The following VAV1 variants were observed in gnomAD, a reference collection of about 807,000 sequenced individuals.
The protein encoded by VAV1 is vav guanine nucleotide exchange factor 1.
VAV1 carries 33 observed loss-of-function variants against 128.1 expected under a neutral mutation model. The ratio of observed to expected loss-of-function variants is 0.26; its 90% CI spans 0.20 to 0.34. The LOEUF (loss-of-function observed/expected upper bound fraction) is 0.34, where lower values mean the gene tolerates loss of function less well. Ranked by LOEUF, VAV1 falls within the 10% of genes least tolerant of loss-of-function variation. VAV1 has a pLI of 1.00. For synonymous variants in VAV1, 394 were observed against 409.8 expected (o/e 0.96, Z 0.47); for missense variants, 715 against 1,093.7 (o/e 0.65, Z 4.88).
chr19:6,776,106 A>T (rs1938829338), intron 1 of VAV1, among the ~76,000 whole-genome samples: 1 of 147,090 alleles, frequency 6.8e-6, no homozygotes, highest in African/African-American at 2.7e-5. Flanking sequence ...CCATCCATCC[A>T]TCCATCCATC....
chr19:6,851,713 A>T (rs1357631043), intron 24 of VAV1, among the ~76,000 whole-genome samples: 1 of 152,072 alleles, frequency 6.6e-6, no homozygotes, highest in Non-Finnish European at 1.5e-5. Context: ...CATATTTTAG[A>T]CACTTTAGGC....
chr19:6,797,705 T>C (rs1016098992), intron 1 of VAV1, among the ~76,000 whole-genome samples: 20 of 142,778 alleles, frequency 1.4e-4, no homozygotes, highest in African/African-American at 5.0e-4. Context: ...GATCGCGCCA[T>C]TGCACTCCAG....
chr19:6,813,763 G>C (rs1252098414), intron 1 of VAV1, among the ~76,000 whole-genome samples: 2 of 152,090 alleles, frequency 1.3e-5, no homozygotes, highest in Non-Finnish European at 2.9e-5. Flanking sequence ...TTTAAAACTT[G>C]AGTCTTGGGG....
At chr19:6,789,260 C>CTTTTTTTTT (rs771682522) in intron 1 of VAV1, among the ~76,000 whole-genome samples, 2 of 144,936 alleles carry the variant, frequency 1.4e-5, no homozygotes, top group African/African-American at 5.1e-5. Context: ...CTCCTTTCTT[C>CTTTTTTTTT]TTTTTTTTTT....
chr19:6,832,533 C>G (rs1181728145), intron 15 of VAV1, among the ~76,000 whole-genome samples: 3 of 144,950 alleles, frequency 2.1e-5, no homozygotes, highest in African/African-American at 7.6e-5. Context: ...CCTCCTCCTC[C>G]CCTTCCTCTT....
intron 1 of VAV1, among the ~76,000 whole-genome samples, chr19:6,776,409 C>CATCT (rs1249942617): frequency 5.3e-5 from 2 of 37,814 alleles, no homozygotes; most frequent in African/African-American, 3.1e-4. Context: ...CCCATCTATC[C>CATCT]ATCCATCCAT....
At chr19:6,800,322 T>TC (rs995952171) in intron 1 of VAV1, among the ~76,000 whole-genome samples, 7 of 151,598 alleles carry the variant, frequency 4.6e-5, no homozygotes, top group Non-Finnish European at 8.8e-5. Flanking sequence ...CTCATTTTTT[T>TC]TTTTTGAGAT....
rs1010149707 is a variant in VAV1 at position 6,780,160 on chromosome 19, C to A, written c.204+7149C>A. Among the ~76,000 whole-genome samples the A allele has an allele frequency of 1.6e-5, 2 of 127,674 alleles. 1 individual carries two copies. The highest frequency in any genetic ancestry group is 5.2e-4 in the South Asian group (2 of 3,832). 83.8% of individuals were successfully genotyped at this position (127,674 alleles called of 152,430 possible). A position where few individuals can be genotyped will look rare whatever the true frequency, so the allele number is the denominator to read the frequency against. On this transcript the variant is annotated intron_variant, in intron 1 of 26. Transcript: ENST00000602142. ...ATAATAATAATAATAATAATAATAACCTCATCCATGAATCATTTTCCAGCT... is the reference window on the plus strand; with the variant it reads ...ATAATAATAATAATAATAATAATAAACTCATCCATGAATCATTTTCCAGCT...
chr19:6,798,191 C>T (rs1207508582), intron 1 of VAV1, among the ~76,000 whole-genome samples: 1 of 151,912 alleles, frequency 6.6e-6, no homozygotes, highest in African/African-American at 2.4e-5. Flanking sequence ...GCAGGAGAAT[C>T]GCTTGAACCT....
chr19:6,779,123 C>T lies in VAV1; in HGVS notation c.204+6112C>T, dbSNP rs1165418260. Among the ~76,000 whole-genome samples the T allele has an allele frequency of 6.0e-5, 9 of 150,110 alleles. No individual in the cohort carries two copies. The East Asian group carries it at 1.7e-3, about 29-fold the overall frequency. On this transcript the variant is annotated intron_variant, in intron 1 of 26. Coordinates refer to ENST00000602142, the MANE Select transcript of VAV1 (RefSeq NM_005428.4). ...CTGGAGTATAGTGGTATGATCACAG[C>T]TCACTGCAGCCTCGAACTCCTGTGC...
At chr19:6,836,908 G>T in intron 20 of VAV1, 77 bp from the exon 21 acceptor site, 2 of 1,443,048 alleles carry the variant, frequency 1.4e-6, no homozygotes, top group Non-Finnish European at 2.0e-6. Flanking sequence ...CACGTGTAGG[G>T]TTATGGGTTT....
intron 21 of VAV1, among the ~76,000 whole-genome samples, chr19:6,839,795 G>T (rs1435741304): frequency 6.6e-6 from 1 of 151,978 alleles, no homozygotes; most frequent in Non-Finnish European, 1.5e-5. Flanking sequence ...GGCTCAGGTG[G>T]TCCTCACACT....
Position 6,796,403 on chromosome 19 carries a change from C to T in VAV1, c.204+23392C>T, listed in dbSNP as rs147940209. ...TTACATGGCCACGGTTTGGGCATAT[C>T]GGCACCTGAGACCACCCTTGGTTCA... On this transcript the variant is annotated intron_variant, in intron 1 of 26. Transcript: ENST00000602142. Among the ~76,000 whole-genome samples, 13 of 151,558 alleles carry T rather than the reference C, an allele frequency of 8.6e-5. No homozygotes were observed. In the East Asian group the frequency reaches 1.2e-3, roughly 14 times the overall value.
At chr19:6,853,576 TA>T (rs1972718782) in intron 25 of VAV1, among the ~76,000 whole-genome samples, 1 of 149,354 alleles carries the variant, frequency 6.7e-6, no homozygotes, top group African/African-American at 2.5e-5. Context: ...AAAAAAAACA[TA>T]AAAATCAGCC....
chr19:6,780,170 G>T (rs1447155350), intron 1 of VAV1, among the ~76,000 whole-genome samples: 3 of 148,004 alleles, frequency 2.0e-5, no homozygotes, highest in African/African-American at 4.9e-5. Context: ...CCTCATCCAT[G>T]AATCATTTTC....
At chr19:6,784,579 C>T (rs147803914) in intron 1 of VAV1, among the ~76,000 whole-genome samples, 3,934 of 151,642 alleles carry the variant, frequency 0.026, 173 homozygotes, top group African/African-American at 0.091. Flanking sequence ...CGGCAGCCTC[C>T]GCCTCCCGGG....
chr19:6,798,084 C>T (rs1406096730), intron 1 of VAV1, among the ~76,000 whole-genome samples: 1 of 152,140 alleles, frequency 6.6e-6, no homozygotes, highest in African/African-American at 2.4e-5. Context: ...CAAGACCAGC[C>T]TAGCCAACAT....
intron 23 of VAV1, among the ~76,000 whole-genome samples, chr19:6,849,669 G>C (rs1309212676): frequency 6.6e-6 from 1 of 152,130 alleles, no homozygotes; most frequent in Non-Finnish European, 1.5e-5. Context: ...CTGCTTATAA[G>C]TGAGAACATG....
At position 6,826,377 on chromosome 19, in the gene VAV1, A is replaced by C. The variant is rs1281937752; in HGVS notation, c.828-235A>C. 6.6e-6 allele frequency among the ~76,000 whole-genome samples: 1 copy of C among 152,152 alleles called. No homozygotes were observed. Among genetic ancestry groups the C allele is most frequent in the Non-Finnish European group, 1.5e-5 (1 of 68,010 alleles). On this transcript the variant is annotated intron_variant, in intron 8 of 26. Coordinates refer to ENST00000602142, the MANE Select transcript of VAV1 (RefSeq NM_005428.4). This position sits in a 1 kb window ranked among gnomAD's most constrained non-coding sequence, Gnocchi z 4.1. ...TTAATTAAATTAAATAAAAATAAAT[A>C]AACATTGGGCAGAGACAATACCAGG...
Sources: gnomAD v4.1 joint callset for allele counts (sites outside exome capture counted in the v4.1 genomes callset) on GRCh38, gnomAD v4.1.1 for gene constraint, Gnocchi (gnomAD v3.1) non-coding constraint, MANE v1.5 for transcripts, NCBI Gene and HGNC (gene_info 2026-07-23, HGNC 2026-07-21) for gene names.